Variants in ASRGL1 observed in about 807,000 individuals in gnomAD.
ASRGL1 encodes the protein asparaginase and isoaspartyl peptidase 1, also known as isoaspartyl peptidase/L-asparaginase.
In ASRGL1, 16 loss-of-function variants were observed where a neutral mutation model predicts 22.4. That is an observed-to-expected ratio of 0.71 (90% CI 0.48 to 1.08). The LOEUF is 1.08. Among genes scored for constraint, ASRGL1 ranks in the 50% least tolerant of loss-of-function variants. The pLI, the probability that ASRGL1 is intolerant of heterozygous loss-of-function variation, is 0.00. For missense variants in ASRGL1, 412 were observed against 410.1 expected (o/e 1.00, Z -0.04); for synonymous variants, 165 against 159.3 (o/e 1.04, Z -0.27).
downstream of ASRGL1, among the ~76,000 whole-genome samples, chr11:62,395,446 C>T (rs1030983033): frequency 6.6e-6 from 1 of 152,126 alleles, no homozygotes; most frequent in African/African-American, 2.4e-5. Flanking sequence ...AGCCCCACTG[C>T]TGGGCTGCAG....
At position 62,374,619 on chromosome 11, in the gene ASRGL1, C is replaced by T. The variant is rs181357349; in HGVS notation, c.492-14514C>T. Among the ~76,000 whole-genome samples, 691 of 152,052 alleles carry T rather than the reference C, an allele frequency of 4.5e-3. 3 individuals are homozygous for T. The highest frequency in any genetic ancestry group is 8.0e-3 in the Non-Finnish European group (544 of 67,966). ...ATGATCTAGTTGTTGTTACTTTTTTCCCTATTTTCCACCCCAGTCGCTCCT... is the reference window on the plus strand; with the variant it reads ...ATGATCTAGTTGTTGTTACTTTTTTTCCTATTTTCCACCCCAGTCGCTCCT... On this transcript the variant is annotated intron_variant, in intron 4 of 6. Coordinates refer to ENST00000415229, the MANE Select transcript of ASRGL1 (RefSeq NM_001083926.2).
chr11:62,349,992 G>T (rs139195278), intron 2 of ASRGL1, among the ~76,000 whole-genome samples: 1 of 152,114 alleles, frequency 6.6e-6, no homozygotes, highest in Admixed American at 6.5e-5. Flanking sequence ...GGTTTGGCTG[G>T]CTTCTTTACT....
At chr11:62,384,007 TG>T (rs955420208) in intron 4 of ASRGL1, among the ~76,000 whole-genome samples, 19 of 140,746 alleles carry the variant, frequency 1.3e-4, no homozygotes, top group African/African-American at 4.8e-4. Context: ...CATCTGTGTG[TG>T]TGCATGTGTG....
In ASRGL1 at chr11:62,392,398, T is replaced by C; in HGVS notation, c.*114T>C. On this transcript the variant is annotated 3_prime_UTR_variant, in exon 7 of 7. Transcript: ENST00000415229. ...TGGAAAAATTGTCCCGTCTGTCACT[T>C]GTTTTGTTGCCTTAATAAGCATCTG... 1 of 1,275,914 alleles carries C rather than the reference T, an allele frequency of 7.8e-7. No individual in the cohort carries two copies. Among genetic ancestry groups the C allele is most frequent in the Non-Finnish European group, 1.1e-6 (1 of 910,390 alleles). 79.0% of individuals were successfully genotyped at this position (1,275,914 alleles called of 1,614,324 possible).
chr11:62,383,602 CAAAAAAAAAAAAAAAAA>C (rs35096038), intron 4 of ASRGL1, among the ~76,000 whole-genome samples: 3 of 21,902 alleles, frequency 1.4e-4, no homozygotes, highest in African/African-American at 4.2e-4. Context: ...GACTCCTACT[CAAAAAAAAAAAAAAAAA>C]AAAAAAAAAG....
At chr11:62,357,513 C>T (rs996345454) in intron 4 of ASRGL1, among the ~76,000 whole-genome samples, 39 of 150,544 alleles carry the variant, frequency 2.6e-4, no homozygotes, top group Admixed American at 2.5e-3. Flanking sequence ...CCACCTGCCT[C>T]GGCCTCCCAA....
rs1947372775 is a variant in ASRGL1 at position 62,392,736 on chromosome 11, C to G, written c.*452C>G. On this transcript the variant is annotated 3_prime_UTR_variant, in exon 7 of 7. Coordinates refer to ENST00000415229, the MANE Select transcript of ASRGL1 (RefSeq NM_001083926.2). ...GAAAGTGACACAGCAGCAGTAGAAG[C>G]AGTGGTGGGCGAAGCCCAGGTGACC... The G allele has an allele frequency of 5.4e-6, 1 of 184,990 alleles. No individual in the cohort carries two copies. The highest frequency in any genetic ancestry group is 1.1e-5 in the Non-Finnish European group (1 of 87,776). The allele number at this position is 184,990 out of a possible 1,614,324, so 11.5% of individuals were successfully genotyped here. A position where few individuals can be genotyped will look rare whatever the true frequency, so the allele number is the denominator to read the frequency against.
intron 4 of ASRGL1, among the ~76,000 whole-genome samples, chr11:62,378,832 T>C (rs1478320661): frequency 6.6e-6 from 1 of 152,188 alleles, no homozygotes; most frequent in Non-Finnish European, 1.5e-5. Context: ...TACCGGTTTT[T>C]CTGTTTTCCA....
intron 4 of ASRGL1, among the ~76,000 whole-genome samples, chr11:62,373,480 C>G (rs1408778940): frequency 1.3e-5 from 2 of 151,276 alleles, no homozygotes; most frequent in African/African-American, 4.9e-5. Flanking sequence ...TTTCTTTCTT[C>G]CTCTCCTGAA....
rs543558382 is a variant in ASRGL1 at position 62,366,543 on chromosome 11, T to C, written c.491+9399T>C. Among the ~76,000 whole-genome samples, 410 of 133,078 alleles carry C rather than the reference T, an allele frequency of 3.1e-3. 22 individuals carry two copies. Among genetic ancestry groups the C allele is most frequent in the African/African-American group, 9.6e-3 (386 of 40,384 alleles). 87.3% of individuals were successfully genotyped at this position (133,078 alleles called of 152,430 possible). A position where few individuals can be genotyped will look rare whatever the true frequency, so the allele number is the denominator to read the frequency against. ...ACTTTAATTTGCTCTTCCCTGACAG[T>C]GAGTTTGAGCATTTTACATTTGTTT... On this transcript the variant is annotated intron_variant, in intron 4 of 6. Transcript: ENST00000415229.
chr11:62,398,368 C>A (rs1470128058), downstream of ASRGL1, among the ~76,000 whole-genome samples: 1 of 152,148 alleles, frequency 6.6e-6, no homozygotes, highest in East Asian at 1.9e-4. Context: ...CTCACCTCAG[C>A]CTTTCCCACA....
rs566452530 is a variant in ASRGL1 at position 62,355,672 on chromosome 11, G to A, written c.191-653G>A. 3.3e-4 allele frequency among the ~76,000 whole-genome samples: 50 copies of A among 151,616 alleles called. No individual in the cohort carries two copies. The South Asian group carries it at 7.5e-3, about 23-fold the overall frequency. On this transcript the variant is annotated intron_variant, in intron 2 of 6. Transcript: ENST00000415229. ...CATTCTTGGGTGTTTCTCGCAGAGG[G>A]GGATTTGGCAGGGTCATAGGACAAT...
At chr11:62,388,084 A>G (rs1947255930) in intron 4 of ASRGL1, among the ~76,000 whole-genome samples, 1 of 152,196 alleles carries the variant, frequency 6.6e-6, no homozygotes, top group South Asian at 2.1e-4. Flanking sequence ...CTGCTACGCT[A>G]CACACCTGTG....
chr11:62,379,342 G>C (rs1271157196), intron 4 of ASRGL1, among the ~76,000 whole-genome samples: 1 of 152,156 alleles, frequency 6.6e-6, no homozygotes, highest in Non-Finnish European at 1.5e-5. Flanking sequence ...ACACAGGTCT[G>C]CTCTCTGAGA....
Position 62,343,869 on chromosome 11 carries a change from T to C in ASRGL1, c.190+5702T>C, listed in dbSNP as rs75454163. On this transcript the variant is annotated intron_variant, in intron 2 of 6. Transcript: ENST00000415229. ...CGATGTTGATTTGCATTTCCCTAAA[T>C]GGGAAGTGATATTTAACATCTTTTC... Among the ~76,000 whole-genome samples the C allele has an allele frequency of 7.7e-4, 117 of 151,332 alleles. 1 individual carries two copies. In the East Asian group the frequency reaches 0.021, roughly 27 times the overall value.
At chr11:62,374,524 T>C (rs1324756921) in intron 4 of ASRGL1, among the ~76,000 whole-genome samples, 12 of 150,282 alleles carry the variant, frequency 8.0e-5, no homozygotes, top group Non-Finnish European at 1.5e-5. Flanking sequence ...AAGTTAAATA[T>C]TGGTCTCTTC....
rs111393838 is a variant in ASRGL1 at position 62,389,145 on chromosome 11, C to T, written c.504C>T (p.Thr168=). Residue 168 remains threonine, a synonymous_variant, in exon 5 of 7, where the codon ACC becomes ACT. Coordinates refer to ENST00000415229, the MANE Select transcript of ASRGL1 (RefSeq NM_001083926.2). The part of the protein sequence containing the change: ...QKTDCQKNLG[T]VGAVALDCKG... The stretch of plus-strand genomic sequence containing the variant: ...TTATTTTTGGCAGAAACTTGGGAAC[C>T]GTGGGTGCTGTTGCCTTGGACTGCA... 51 of 1,610,666 alleles carry T rather than the reference C, an allele frequency of 3.2e-5. No individual in the cohort carries two copies. The African/African-American group carries it at 4.8e-4, about 15-fold the overall frequency.
chr11:62,386,507 T>C (rs1335751746), intron 4 of ASRGL1, among the ~76,000 whole-genome samples: 1 of 70,194 alleles, frequency 1.4e-5, no homozygotes, highest in African/African-American at 3.2e-5. Context: ...TATAGATATG[T>C]ATAGGGGGAA....
the ASRGL1 span, among the ~76,000 whole-genome samples, chr11:62,398,533 C>G: frequency 6.6e-6 from 1 of 152,026 alleles, no homozygotes; most frequent in East Asian, 1.9e-4. Flanking sequence ...AGTGAAGATC[C>G]CCGGGGGCTC....
Sources: allele counts gnomAD v4.1 joint callset (sites outside exome capture counted in the v4.1 genomes callset), GRCh38; gene constraint gnomAD v4.1.1; transcripts MANE v1.5; gene names NCBI Gene and HGNC (gene_info 2026-07-23, HGNC 2026-07-21).